The following PTPN14 variants were observed in gnomAD, a reference collection of about 807,000 sequenced individuals.
The protein encoded by PTPN14 is protein tyrosine phosphatase non-receptor type 14.
In PTPN14, 53 loss-of-function variants were observed where a neutral mutation model predicts 126.8. That is an observed-to-expected ratio of 0.42 (90% CI 0.34 to 0.53). The LOEUF is 0.53. Ranked by LOEUF, PTPN14 falls within the 20% of genes least tolerant of loss-of-function variation. The pLI, the probability that PTPN14 is intolerant of heterozygous loss-of-function variation, is 0.08. For synonymous variants in PTPN14, 630 were observed against 599.3 expected, an observed-to-expected ratio of 1.05 and a Z score of -0.75; for missense variants, 1,257 against 1,552.9, an observed-to-expected ratio of 0.81 and a Z score of 3.20.
intron 1 of PTPN14, among the ~76,000 whole-genome samples, chr1:214,487,805 G>GC (rs1661149038): frequency 2.6e-5 from 4 of 152,324 alleles, no homozygotes; most frequent in Admixed American, 2.6e-4. Context: ...GGGTTGTAAG[G>GC]CCCCTTCTCT....
In PTPN14 at chr1:214,437,452, A is replaced by G. The variant is rs565001060; in HGVS notation, c.344+14353T>C. 1.2e-4 allele frequency among the ~76,000 whole-genome samples: 18 copies of G among 152,318 alleles called. No individual in the cohort carries two copies. The East Asian group carries it at 3.3e-3, about 28-fold the overall frequency. On this transcript the variant is annotated intron_variant, in intron 3 of 18. Transcript: ENST00000366956. ...ATTTAATAATAAATAAAGGATGCAC[A>G]AAAGGCTAAATTCTTATGCAATAAA...
chr1:214,370,066 G>A (rs1571954746), intron 16 of PTPN14, among the ~76,000 whole-genome samples: 1 of 152,166 alleles, frequency 6.6e-6, no homozygotes, highest in Non-Finnish European at 1.5e-5. Flanking sequence ...GGATCACAAG[G>A]TCAGGAGATC....
intron 3 of PTPN14, among the ~76,000 whole-genome samples, chr1:214,424,867 T>C (rs959123199): frequency 1.6e-5 from 2 of 127,386 alleles, no homozygotes; most frequent in African/African-American, 5.8e-5. Flanking sequence ...CTACATTCCA[T>C]GTGGCCACTA....
chr1:214,510,809 T>A (rs1309926519), intron 1 of PTPN14, among the ~76,000 whole-genome samples: 1 of 152,236 alleles, frequency 6.6e-6, no homozygotes, highest in Admixed American at 6.5e-5. Flanking sequence ...GAATGAATGA[T>A]CTGTCCTCCA....
At chr1:214,525,102 T>G (rs952496234) in intron 1 of PTPN14, among the ~76,000 whole-genome samples, 2 of 152,014 alleles carry the variant, frequency 1.3e-5, no homozygotes, top group African/African-American at 4.8e-5. Flanking sequence ...CACAAACACT[T>G]TAAAGAACTA....
At chr1:214,379,516 A>T (rs1009958887) in intron 13 of PTPN14, among the ~76,000 whole-genome samples, 1 of 152,212 alleles carries the variant, frequency 6.6e-6, no homozygotes, top group African/African-American at 2.4e-5. Context: ...AGAGGAGGTT[A>T]CTGGGAGAAA....
chr1:214,470,012 C>A (rs1262268844), intron 1 of PTPN14, among the ~76,000 whole-genome samples: 1 of 152,110 alleles, frequency 6.6e-6, no homozygotes, highest in Admixed American at 6.5e-5. Context: ...TGCTGAGACC[C>A]ATTTATAGAA....
chr1:214,516,045 T>C (rs1351630582), intron 1 of PTPN14, among the ~76,000 whole-genome samples: 1 of 152,166 alleles, frequency 6.6e-6, no homozygotes, highest in Non-Finnish European at 1.5e-5. Flanking sequence ...TTTCCTGCAC[T>C]CCTCTTTCGA....
rs78207781 is a variant in PTPN14, at chr1:214,379,038, G to A, written c.2545-936C>T. On this transcript the variant is annotated intron_variant, in intron 13 of 18. Transcript: ENST00000366956. ...CTTCCTCAGGTCCTTGAAACTAACCGAGTATGAAAAAGCTCTCTTTATGCT... is the reference window on the plus strand; with the variant it reads ...CTTCCTCAGGTCCTTGAAACTAACCAAGTATGAAAAAGCTCTCTTTATGCT... Among the ~76,000 whole-genome samples, 1,210 of 152,274 alleles carry A rather than the reference G, an allele frequency of 7.9e-3. 14 individuals are homozygous for A. Among genetic ancestry groups the A allele is most frequent in the African/African-American group, 0.028 (1,148 of 41,548 alleles).
intron 1 of PTPN14, among the ~76,000 whole-genome samples, chr1:214,544,697 G>A (rs1166702325): frequency 6.6e-6 from 1 of 152,054 alleles, no homozygotes; most frequent in Non-Finnish European, 1.5e-5. Flanking sequence ...GTTGCAGTGA[G>A]CCGAGATAGC....
chr1:214,465,787 C>T (rs1248070125), intron 1 of PTPN14, among the ~76,000 whole-genome samples: 1 of 151,930 alleles, frequency 6.6e-6, no homozygotes, highest in African/African-American at 2.4e-5. Context: ...TTAAGTGCCT[C>T]ACTGAATTTA....
At chr1:214,529,440 G>A (rs2102467325) in intron 1 of PTPN14, 1 of 152,346 alleles carries the variant, frequency 6.6e-6, no homozygotes, top group South Asian at 2.1e-4. Flanking sequence ...AAGACGATTG[G>A]TCACACACAA....
intron 3 of PTPN14, among the ~76,000 whole-genome samples, chr1:214,421,213 A>G (rs1267528279): frequency 6.6e-6 from 1 of 152,254 alleles, no homozygotes; most frequent in East Asian, 1.9e-4. Flanking sequence ...AATATTATTC[A>G]GCCATAAAAA....
chr1:214,367,898 C>G (rs1658119295), intron 17 of PTPN14, among the ~76,000 whole-genome samples: 1 of 152,204 alleles, frequency 6.6e-6, no homozygotes, highest in African/African-American at 2.4e-5. Flanking sequence ...CGATCCAGTG[C>G]CTGGCACGTA....
Position 214,405,175 on chromosome 1 carries a change from G to A in PTPN14, c.511-2222C>T, listed in dbSNP as rs1018665861. Among the ~76,000 whole-genome samples, 3 of 152,084 alleles carry A rather than the reference G, an allele frequency of 2.0e-5. No homozygotes were observed. The East Asian group carries it at 5.8e-4, about 29-fold the overall frequency. ...GTGTGAAATGCCACATCATCCTTACGTCCTGTCTCAGCTACCACTTCCCTC... is the reference window on the plus strand; with the variant it reads ...GTGTGAAATGCCACATCATCCTTACATCCTGTCTCAGCTACCACTTCCCTC... On this transcript the variant is annotated intron_variant, in intron 5 of 18. Coordinates refer to ENST00000366956, the MANE Select transcript of PTPN14 (RefSeq NM_005401.5).
In PTPN14 at chr1:214,364,450, T is replaced by C; in HGVS notation, c.3435+62A>G. Reference sequence around the variant, plus strand: ...AAATGCAAGGGTGCAGGCAAAGGTTTGGCCAGGGTGTAGACTTGTCCCCAA... The same window carrying C: ...AAATGCAAGGGTGCAGGCAAAGGTTCGGCCAGGGTGTAGACTTGTCCCCAA... On this transcript the variant is annotated intron_variant, in intron 18 of 18. Coordinates refer to ENST00000366956, the MANE Select transcript of PTPN14 (RefSeq NM_005401.5). The surrounding 1 kb of genome is among the most constrained non-coding windows in gnomAD (Gnocchi z 4.1). 6.4e-7 allele frequency: 1 copy of C among 1,554,164 alleles called. No individual in the cohort carries two copies. The highest frequency in any genetic ancestry group is 1.2e-5 in the South Asian group (1 of 82,872).
intron 1 of PTPN14, among the ~76,000 whole-genome samples, chr1:214,496,329 C>T (rs139096966): frequency 6.7e-4 from 102 of 152,236 alleles, no homozygotes; most frequent in African/African-American, 1.5e-3. Flanking sequence ...TAACAGGATA[C>T]GGCTTAGCCC....
rs139181499 is a variant in PTPN14, at chr1:214,460,447, C to T, written c.174+4183G>A. Among the ~76,000 whole-genome samples the T allele has an allele frequency of 1.1e-4, 16 of 151,016 alleles. No individual in the cohort carries two copies. In the East Asian group the frequency reaches 3.1e-3, roughly 29 times the overall value. The stretch of plus-strand genomic sequence containing the variant: ...CACATCAGTGCAAACAAACTGAACT[C>T]TGCCTTTCCCTGAAAATTCCCCTCC... On this transcript the variant is annotated intron_variant, in intron 2 of 18. Coordinates refer to ENST00000366956, the MANE Select transcript of PTPN14 (RefSeq NM_005401.5).
intron 5 of PTPN14, among the ~76,000 whole-genome samples, chr1:214,404,042 C>T (rs144399461): frequency 8.3e-4 from 127 of 152,294 alleles, no homozygotes; most frequent in Middle Eastern, 3.4e-3. Flanking sequence ...TCATACCAAA[C>T]GCCCCATTCC....
Sources: gnomAD v4.1 joint callset for allele counts (sites outside exome capture counted in the v4.1 genomes callset) on GRCh38, gnomAD v4.1.1 for gene constraint, Gnocchi (gnomAD v3.1) non-coding constraint, MANE v1.5 for transcripts, NCBI Gene and HGNC (gene_info 2026-07-23, HGNC 2026-07-21) for gene names.